The following IMMP2L variants were observed in gnomAD, a reference collection of about 807,000 sequenced individuals.
IMMP2L encodes inner mitochondrial membrane peptidase subunit 2.
IMMP2L carries 18 observed loss-of-function variants against 19.3 expected under a neutral mutation model. That is an observed-to-expected ratio of 0.93 (90% CI 0.64 to 1.38). IMMP2L has a LOEUF of 1.38. IMMP2L is among the 40% of genes most tolerant of loss of function. The pLI is 0.00. For synonymous variants in IMMP2L, 76 were observed against 73.0 expected, an observed-to-expected ratio of 1.04 and a Z score of -0.21; for missense variants, 233 against 218.2, an observed-to-expected ratio of 1.07 and a Z score of -0.43.
chr7:111,110,101 C>A (rs750611493), intron 3 of IMMP2L, among the ~76,000 whole-genome samples: 2 of 152,194 alleles, frequency 1.3e-5, no homozygotes, highest in Non-Finnish European at 2.9e-5. Flanking sequence ...CGCCACTGCA[C>A]TCCAGCCTAG....
At chr7:110,813,150 A>C (rs890524903) in intron 5 of IMMP2L, among the ~76,000 whole-genome samples, 18 of 152,044 alleles carry the variant, frequency 1.2e-4, no homozygotes. Context: ...AAGGATATAG[A>C]ATGGAAAGAG....
At chr7:111,501,538 G>A (rs1844256337) in intron 2 of IMMP2L, among the ~76,000 whole-genome samples, 1 of 152,102 alleles carries the variant, frequency 6.6e-6, no homozygotes, top group Non-Finnish European at 1.5e-5. Flanking sequence ...CACCAAAGTT[G>A]AAATGAAGGA....
chr7:111,464,131 A>G (rs1160344904), intron 3 of IMMP2L, among the ~76,000 whole-genome samples: 1 of 152,122 alleles, frequency 6.6e-6, no homozygotes, highest in African/African-American at 2.4e-5. Context: ...ACATAAGTCC[A>G]GTTAATTTAC....
At chr7:111,330,674 T>C (rs946688611) in intron 3 of IMMP2L, among the ~76,000 whole-genome samples, 10 of 151,844 alleles carry the variant, frequency 6.6e-5, no homozygotes, top group Admixed American at 6.6e-4. Flanking sequence ...ATAAGATTCA[T>C]ATCCAACAAG....
chr7:111,451,427 T>C (rs1333889922), intron 3 of IMMP2L, among the ~76,000 whole-genome samples: 39 of 148,578 alleles, frequency 2.6e-4, no homozygotes, highest in Middle Eastern at 3.5e-3. Flanking sequence ...ATGGATGAAA[T>C]TGGAAACCAT....
chr7:111,215,282 C>T (rs577798060), intron 3 of IMMP2L, among the ~76,000 whole-genome samples: 5 of 152,296 alleles, frequency 3.3e-5, no homozygotes, highest in African/African-American at 1.2e-4. Flanking sequence ...TATGATCATA[C>T]CCTTCTGCCT....
At chr7:111,323,863 C>T (rs1249436857) in intron 3 of IMMP2L, among the ~76,000 whole-genome samples, 1 of 151,888 alleles carries the variant, frequency 6.6e-6, no homozygotes, top group Non-Finnish European at 1.5e-5. Context: ...AAGCTGGAAA[C>T]CATCATTCTC....
At chr7:110,671,306 C>T (rs187155416) in intron 5 of IMMP2L, among the ~76,000 whole-genome samples, 1 of 152,308 alleles carries the variant, frequency 6.6e-6, no homozygotes, top group Non-Finnish European at 1.5e-5. Context: ...ATGCTATTAA[C>T]AATCCATAAA....
At chr7:110,703,992 C>G (rs897163105) in intron 5 of IMMP2L, among the ~76,000 whole-genome samples, 1 of 151,872 alleles carries the variant, frequency 6.6e-6, no homozygotes, top group African/African-American at 2.4e-5. Flanking sequence ...ACTACAGGAG[C>G]CTGCCACCAC....
chr7:110,769,707 C>T (rs1022999304), intron 5 of IMMP2L, among the ~76,000 whole-genome samples: 5 of 150,556 alleles, frequency 3.3e-5, no homozygotes, highest in East Asian at 1.9e-4. Flanking sequence ...AGAAAACGAA[C>T]GGAAGAAGAA....
At chr7:110,876,879 C>A (rs942530808) in intron 5 of IMMP2L, among the ~76,000 whole-genome samples, 4 of 152,106 alleles carry the variant, frequency 2.6e-5, no homozygotes, top group African/African-American at 9.7e-5. Context: ...TTAGTCCCTT[C>A]TAGATAATGT....
Position 111,123,818 on chromosome 7 carries a change from T to A in IMMP2L, c.240-160253A>T, listed in dbSNP as rs1458751184. 6.2e-7 allele frequency: 1 copy of A among 1,614,034 alleles called. No individual in the cohort carries two copies. The highest frequency in any genetic ancestry group is 8.5e-7 in the Non-Finnish European group (1 of 1,179,962). The stretch of plus-strand genomic sequence containing the variant: ...CTGAACAGCAATGCTCTCAGTGCCC[T>A]GTACCATGGTACCATTGAGTCTCTG... On this transcript the variant is annotated intron_variant, in intron 3 of 5. Transcript: ENST00000405709. The surrounding 1 kb of genome is among the most constrained non-coding windows in gnomAD (Gnocchi z 6.4).
intron 3 of IMMP2L, among the ~76,000 whole-genome samples, chr7:111,265,725 G>T (rs956893776): frequency 2.6e-5 from 4 of 152,166 alleles, no homozygotes; most frequent in Non-Finnish European, 5.9e-5. Flanking sequence ...AGCAGAGTGA[G>T]ATGATCCAGG....
chr7:111,387,589 G>GCCT (rs1831891248), intron 3 of IMMP2L, among the ~76,000 whole-genome samples: 1 of 152,124 alleles, frequency 6.6e-6, no homozygotes, highest in Non-Finnish European at 1.5e-5. Context: ...AAAATGGCTA[G>GCCT]CATGTATGCC....
chr7:111,198,067 A>T (rs1483924105), intron 3 of IMMP2L, among the ~76,000 whole-genome samples: 2 of 152,180 alleles, frequency 1.3e-5, no homozygotes, highest in African/African-American at 4.8e-5. Flanking sequence ...TTTTAATTAC[A>T]CTTTTTCACC....
intron 3 of IMMP2L, among the ~76,000 whole-genome samples, chr7:111,087,139 T>C (rs1193044761): frequency 6.6e-6 from 1 of 152,152 alleles, no homozygotes; most frequent in Non-Finnish European, 1.5e-5. Flanking sequence ...GTTTCTACAC[T>C]GCCAATTGAA....
chr7:111,175,943 G>T (rs756728591), intron 3 of IMMP2L, among the ~76,000 whole-genome samples: 2 of 151,758 alleles, frequency 1.3e-5, no homozygotes, highest in Non-Finnish European at 2.9e-5. Flanking sequence ...CCAATAATCT[G>T]ATTAAAAATG....
Position 111,417,197 on chromosome 7 carries a change from C to A in IMMP2L, c.239+70041G>T, listed in dbSNP as rs887322789. Among the ~76,000 whole-genome samples, 62 of 151,802 alleles carry A rather than the reference C, an allele frequency of 4.1e-4. 2 individuals are homozygous for A. Among genetic ancestry groups the A allele is most frequent in the African/African-American group, 1.5e-3 (61 of 41,180 alleles). The stretch of plus-strand genomic sequence containing the variant: ...GCCTCCTCATTTGAAAATGTCCCTG[C>A]AGGTACCCTAGCAATGTGTCCATGA... On this transcript the variant is annotated intron_variant, in intron 3 of 5. Coordinates refer to ENST00000405709, the MANE Select transcript of IMMP2L (RefSeq NM_032549.4).
chr7:111,282,863 A>C (rs1820054087), intron 3 of IMMP2L, among the ~76,000 whole-genome samples: 1 of 152,160 alleles, frequency 6.6e-6, no homozygotes. Flanking sequence ...GATTATAGGC[A>C]TGAGACACCA....
Sources: allele counts gnomAD v4.1 joint callset (sites outside exome capture counted in the v4.1 genomes callset), GRCh38; gene constraint gnomAD v4.1.1; non-coding constraint Gnocchi (gnomAD v3.1); transcripts MANE v1.5; gene names NCBI Gene and HGNC (gene_info 2026-07-23, HGNC 2026-07-21).